Variants in BLTP3A observed in about 807,000 individuals in gnomAD.
BLTP3A encodes ICBP90 binding protein 1.
At chr6:34,849,837 AG>A in the BLTP3A span, among the ~76,000 whole-genome samples, 3 of 152,138 alleles carry the variant, frequency 2.0e-5, no homozygotes, top group Admixed American at 6.5e-5. Flanking sequence ...ATACTATTCT[AG>A]GATAAAAGTT....
chr6:34,837,465 CTTAAGCCCGGGAGTTTGAG>C, the BLTP3A span, among the ~76,000 whole-genome samples: 2 of 152,126 alleles, frequency 1.3e-5, no homozygotes, highest in Non-Finnish European at 2.9e-5. Flanking sequence ...GGGAGGATTG[CTTAAGCCCGGGAGTTTGAG>C]ACCAGCCTGG....
At chr6:34,857,116 A>T in the BLTP3A span, among the ~76,000 whole-genome samples, 4 of 152,174 alleles carry the variant, frequency 2.6e-5, no homozygotes, top group Non-Finnish European at 5.9e-5. Flanking sequence ...CCCCAGTTTT[A>T]CTGTGAATGC....
the BLTP3A span, among the ~76,000 whole-genome samples, chr6:34,869,281 C>T: frequency 6.6e-6 from 1 of 152,100 alleles, no homozygotes; most frequent in Non-Finnish European, 1.5e-5. Context: ...GAATTACAGG[C>T]CTGAGCCACC....
the BLTP3A span, chr6:34,821,958 A>G: frequency 6.2e-7 from 1 of 1,614,192 alleles, no homozygotes; most frequent in Non-Finnish European, 8.5e-7. Context: ...TTTGCTTGGT[A>G]ATGACCTTTC....
the BLTP3A span, among the ~76,000 whole-genome samples, chr6:34,840,391 T>TAAA: frequency 0.13 from 16,146 of 123,192 alleles, 1,293 homozygotes; most frequent in African/African-American, 0.21. Context: ...CGTCTCTACT[T>TAAA]AAAAAAAAAA....
chr6:34,821,666 C>T, the BLTP3A span: 1 of 1,611,696 alleles, frequency 6.2e-7, no homozygotes, highest in Non-Finnish European at 8.5e-7. Flanking sequence ...CACTAAGAAT[C>T]TTTCCCCAGA....
the BLTP3A span, among the ~76,000 whole-genome samples, chr6:34,854,087 T>C: frequency 6.6e-6 from 1 of 152,070 alleles, no homozygotes; most frequent in African/African-American, 2.4e-5. Flanking sequence ...CCGGACATGG[T>C]GGCGCATGCC....
At chr6:34,803,900 G>A in the BLTP3A span, among the ~76,000 whole-genome samples, 1 of 152,096 alleles carries the variant, frequency 6.6e-6, no homozygotes, top group African/African-American at 2.4e-5. Context: ...TTCCTTCTCA[G>A]ATAAACCTGT....
the BLTP3A span, chr6:34,855,658 A>G: frequency 1.2e-6 from 2 of 1,613,860 alleles, no homozygotes; most frequent in Non-Finnish European, 1.7e-6. Flanking sequence ...CATGCAGCTT[A>G]CCTTCCGCAA....
At chr6:34,810,070 GT>G in the BLTP3A span, among the ~76,000 whole-genome samples, 1 of 152,190 alleles carries the variant, frequency 6.6e-6, no homozygotes, top group Admixed American at 6.5e-5. Context: ...TACATCATCT[GT>G]TTACAAGATG....
At chr6:34,794,005 C>G in the BLTP3A span, among the ~76,000 whole-genome samples, 1 of 151,310 alleles carries the variant, frequency 6.6e-6, no homozygotes, top group Non-Finnish European at 1.5e-5. Flanking sequence ...TACTAAAATA[C>G]AGAAATTAGC....
chr6:34,850,531 A>G, the BLTP3A span, among the ~76,000 whole-genome samples: 2 of 152,196 alleles, frequency 1.3e-5, no homozygotes, highest in South Asian at 4.1e-4. Context: ...TCTTGTAGGT[A>G]TGCTTCATTC....
the BLTP3A span, chr6:34,836,406 C>A: frequency 6.6e-7 from 1 of 1,520,502 alleles, no homozygotes; most frequent in South Asian, 1.2e-5. Context: ...TAGCTCTGGG[C>A]AGAGCCTGGG....
chr6:34,836,046 A>G, the BLTP3A span: 1 of 1,366,048 alleles, frequency 7.3e-7, no homozygotes, highest in Non-Finnish European at 9.9e-7. Flanking sequence ...AGAGGGAAGG[A>G]ACATCTTGCT....
chr6:34,860,938 C>T, the BLTP3A span, among the ~76,000 whole-genome samples: 2 of 152,158 alleles, frequency 1.3e-5, no homozygotes, highest in African/African-American at 4.8e-5. Context: ...CCTCAGTCCC[C>T]CTTCTCCTGG....
At chr6:34,795,074 A>G in the BLTP3A span, among the ~76,000 whole-genome samples, 1 of 151,592 alleles carries the variant, frequency 6.6e-6, no homozygotes, top group East Asian at 1.9e-4. Flanking sequence ...GGCGTGAGCC[A>G]CCACGCCTAG....
chr6:34,869,094 C>CT, the BLTP3A span, among the ~76,000 whole-genome samples: 1 of 151,966 alleles, frequency 6.6e-6, no homozygotes, highest in African/African-American at 2.4e-5. Flanking sequence ...CAACCTTCAC[C>CT]TCCTTCAAGC....
At chr6:34,866,154 G>A in the BLTP3A span, among the ~76,000 whole-genome samples, 59 of 152,110 alleles carry the variant, frequency 3.9e-4, no homozygotes, top group Admixed American at 2.3e-3. Context: ...TACCTCACGC[G>A]TGTAATCCCA....
the BLTP3A span, among the ~76,000 whole-genome samples, chr6:34,794,274 C>T: frequency 6.4e-4 from 98 of 152,162 alleles, no homozygotes; most frequent in African/African-American, 2.3e-3. Context: ...TTTCACATTG[C>T]GTGCCTATAT....
Sources: allele counts gnomAD v4.1 joint callset (sites outside exome capture counted in the v4.1 genomes callset), GRCh38; gene constraint gnomAD v4.1.1; transcripts MANE v1.5; gene names NCBI Gene and HGNC (gene_info 2026-07-23, HGNC 2026-07-21).